XPO4: variants seen among roughly 807,000 people sequenced by gnomAD.
The protein encoded by XPO4 is exportin 4.
Under a neutral mutation model 143.0 loss-of-function variants are expected in XPO4, and 39 were observed. The observed-to-expected ratio is 0.27, with a 90% CI of 0.21 to 0.36. The LOEUF is 0.36. Ranked by LOEUF, XPO4 falls within the 10% of genes least tolerant of loss-of-function variation. The probability of loss-of-function intolerance (pLI) is 1.00; values close to 1 mark genes in which losing one functional copy is unlikely to be tolerated. For synonymous variants in XPO4, 439 were observed against 474.0 expected (o/e 0.93, Z 0.96); for missense variants, 907 against 1,348.0 (o/e 0.67, Z 5.12).
intron 7 of XPO4, among the ~76,000 whole-genome samples, chr13:20,825,295 G>GTA (rs1287505235): frequency 6.6e-6 from 1 of 152,154 alleles, no homozygotes; most frequent in Non-Finnish European, 1.5e-5. Flanking sequence ...TTATGCAACA[G>GTA]TATACTGATG....
At chr13:20,837,400 CTTTT>C (rs1027759465) in intron 6 of XPO4, among the ~76,000 whole-genome samples, 2 of 151,308 alleles carry the variant, frequency 1.3e-5, no homozygotes, top group African/African-American at 2.4e-5. Context: ...CTTTCTTCTC[CTTTT>C]TTTTTCTTTT....
intron 16 of XPO4, among the ~76,000 whole-genome samples, chr13:20,798,734 G>A (rs1003257801): frequency 6.6e-6 from 1 of 151,998 alleles, no homozygotes; most frequent in African/African-American, 2.4e-5. Context: ...AGCTATGACT[G>A]GGCCGGGCAC....
chr13:20,898,286 G>A (rs1020831233), intron 1 of XPO4, among the ~76,000 whole-genome samples: 9 of 152,136 alleles, frequency 5.9e-5, no homozygotes, highest in Admixed American at 2.0e-4. Flanking sequence ...TGTATGGGCC[G>A]GGTGCGGTGG....
intron 22 of XPO4, among the ~76,000 whole-genome samples, chr13:20,784,360 C>T (rs975496901): frequency 5.3e-5 from 8 of 152,140 alleles, no homozygotes; most frequent in African/African-American, 1.9e-4. Flanking sequence ...CCACCCAGTT[C>T]TGAGGACAGC....
intron 4 of XPO4, chr13:20,851,727 A>AG (rs1014563352): frequency 2.7e-3 from 2,307 of 856,298 alleles, no homozygotes; most frequent in South Asian, 0.018. Context: ...AAAAAAAAAA[A>AG]AAAGAAAGAA....
chr13:20,839,313 C>A (rs987293361), intron 6 of XPO4, among the ~76,000 whole-genome samples: 2 of 152,066 alleles, frequency 1.3e-5, no homozygotes, highest in Non-Finnish European at 2.9e-5. Context: ...TCCATTTATA[C>A]GCTATGTCTA....
chr13:20,830,043 G>A (rs913956965), intron 6 of XPO4, among the ~76,000 whole-genome samples: 1 of 152,100 alleles, frequency 6.6e-6, no homozygotes, highest in Non-Finnish European at 1.5e-5. Flanking sequence ...GGAATTCATT[G>A]CAATGGCTCA....
Position 20,788,538 on chromosome 13 carries a change from G to A in XPO4, c.2995C>T (p.Pro999Ser), listed in dbSNP as rs758411444. The part of the protein sequence containing the change: ...EIFPEKIPQL[P>S]EDLFKSLMYS... ...ATCAGACTTTTAAACAGATCCTCAG[G>A]AAGCTGTGGTATTTTTTCAGGAAAA... The change falls in exon 20 of 23, where the codon CCT becomes TCT. Residue 999 changes from proline (P) to serine (S), a missense_variant. Physicochemically the swap from Pro to Ser is moderately conservative, Grantham distance 74. Coordinates refer to ENST00000255305, the MANE Select transcript of XPO4 (RefSeq NM_022459.5). The A allele has an allele frequency of 5.6e-6, 9 of 1,613,142 alleles. No individual in the cohort carries two copies. Among genetic ancestry groups the A allele is most frequent in the Admixed American group, 3.3e-5 (2 of 59,910 alleles).
At chr13:20,885,138 T>C (rs2060449477) in intron 1 of XPO4, among the ~76,000 whole-genome samples, 1 of 151,988 alleles carries the variant, frequency 6.6e-6, no homozygotes, top group Non-Finnish European at 1.5e-5. Context: ...TTAGTAGAGA[T>C]GGGGTTTCTC....
At chr13:20,789,395 CTTT>C (rs35527944) in intron 19 of XPO4, among the ~76,000 whole-genome samples, 1 of 134,778 alleles carries the variant, frequency 7.4e-6, no homozygotes. Flanking sequence ...TCAGCCTCTA[CTTT>C]TTTTTTTTTT....
At chr13:20,900,855 G>A (rs2060614505) in intron 1 of XPO4, among the ~76,000 whole-genome samples, 3 of 152,026 alleles carry the variant, frequency 2.0e-5, no homozygotes, top group Admixed American at 6.6e-5. Flanking sequence ...TTAGTGATCC[G>A]CCCACCTCGG....
At chr13:20,888,138 G>A (rs573014411) in intron 1 of XPO4, among the ~76,000 whole-genome samples, 9 of 134,338 alleles carry the variant, frequency 6.7e-5, no homozygotes, top group Non-Finnish European at 1.1e-4. Flanking sequence ...TTGTGCCATT[G>A]CATGCCAGCC....
chr13:20,891,313 CTATCAGCTAGTG>C (rs1291309842), intron 1 of XPO4, among the ~76,000 whole-genome samples: 1 of 151,964 alleles, frequency 6.6e-6, no homozygotes, highest in Admixed American at 6.6e-5. Flanking sequence ...ACAGAAAGTT[CTATCAGCTAGTG>C]TTACTCTAGA....
At chr13:20,822,388 C>T (rs1403177691) in intron 7 of XPO4, 99 bp from the exon 8 acceptor site, 1 of 1,030,808 alleles carries the variant, frequency 9.7e-7, no homozygotes, top group African/African-American at 1.6e-5. Context: ...TTCACTGTAG[C>T]TGGTTATTTC....
chr13:20,785,400 G>A (rs1266451643), intron 22 of XPO4, among the ~76,000 whole-genome samples: 1 of 152,086 alleles, frequency 6.6e-6, no homozygotes, highest in African/African-American at 2.4e-5. Context: ...GGCAAGGCAT[G>A]GTGGCTCACA....
intron 1 of XPO4, among the ~76,000 whole-genome samples, chr13:20,882,396 A>G (rs973709135): frequency 6.6e-6 from 1 of 152,130 alleles, no homozygotes; most frequent in Non-Finnish European, 1.5e-5. Context: ...ATCATATGGC[A>G]AGAAAGAAAG....
At chr13:20,800,016 C>T (rs2059411510) in intron 15 of XPO4, 140 bp downstream of exon 15, 5 of 913,430 alleles carry the variant, frequency 5.5e-6, no homozygotes, top group Non-Finnish European at 7.8e-6. Flanking sequence ...TTTTAAAACC[C>T]ATTACTCCAA....
rs372562397 is a variant in XPO4 at position 20,783,821 on chromosome 13, G to A, written c.3357C>T (p.Ser1119=). 120 of 1,614,108 alleles carry A rather than the reference G, an allele frequency of 7.4e-5. No homozygotes were observed. Among genetic ancestry groups the A allele is most frequent in the Admixed American group, 3.2e-4 (19 of 60,014 alleles). The part of the protein sequence containing the change: ...LADAFNKLTA[S]STPPTLDRKQ... The stretch of plus-strand genomic sequence containing the variant: ...TCCGATCCAGCGTAGGAGGAGTGCT[G>A]CTTGCAGTGAGCTTGTTGAAGGCAT... The change falls in exon 23 of 23, where the codon AGC becomes AGT. Residue 1119 remains serine, a synonymous_variant. Coordinates refer to ENST00000255305, the MANE Select transcript of XPO4 (RefSeq NM_022459.5).
At chr13:20,900,995 T>C (rs1224608843) in intron 1 of XPO4, among the ~76,000 whole-genome samples, 1 of 152,208 alleles carries the variant, frequency 6.6e-6, no homozygotes, top group Non-Finnish European at 1.5e-5. Flanking sequence ...ACAAATTATT[T>C]ATACAACATA....
Sources: allele counts gnomAD v4.1 joint callset (sites outside exome capture counted in the v4.1 genomes callset), GRCh38; gene constraint gnomAD v4.1.1; transcripts MANE v1.5; gene names NCBI Gene and HGNC (gene_info 2026-07-23, HGNC 2026-07-21).